Variants in PDLIM2 observed in about 807,000 individuals in gnomAD.
PDLIM2 encodes the protein PDZ and LIM domain 2, also known as PDZ and LIM domain protein 2.
PDLIM2 carries 51 observed loss-of-function variants against 54.1 expected under a neutral mutation model. That is an observed-to-expected ratio of 0.94 (90% CI 0.75 to 1.19). The LOEUF (loss-of-function observed/expected upper bound fraction) is 1.19, where lower values mean the gene tolerates loss of function less well. PDLIM2 is among the 50% of genes most tolerant of loss of function. The pLI is 0.00. For missense variants in PDLIM2, 912 were observed against 874.0 expected (o/e 1.04, Z -0.55); for synonymous variants, 398 against 385.6 (o/e 1.03, Z -0.38).
intron 7 of PDLIM2, 88 bp from the exon 7 acceptor site, chr8:22,589,507 TC>T: frequency 1.1e-6 from 1 of 896,860 alleles, no homozygotes; most frequent in Non-Finnish European, 1.6e-6. Flanking sequence ...TTCCTCCCCC[TC>T]CCCCACGCTC....
chr8:22,593,502 G>C (rs1225573325), intron 9 of PDLIM2: 1 of 509,168 alleles, frequency 2.0e-6, no homozygotes, highest in Non-Finnish European at 3.4e-6. Flanking sequence ...GCTTGAACCC[G>C]GAAGGTAGAG....
At chr8:22,579,352 G>T (rs1250991615) in exon 1 of PDLIM2, 9 of 1,467,726 alleles carry the variant, frequency 6.1e-6, no homozygotes, top group Non-Finnish European at 9.0e-7. Context: ...TCGCATCAGC[G>T]GGGGCGCCCC....
chr8:22,579,127 C>T (rs1800113833), exon 1 of PDLIM2: 4 of 1,303,394 alleles, frequency 3.1e-6, no homozygotes, highest in Non-Finnish European at 2.9e-6. Flanking sequence ...GCGGGCTCTC[C>T]CCAGAGTCGG....
intron 9 of PDLIM2, 54 bp downstream of exon 8, chr8:22,591,722 G>T: frequency 2.7e-6 from 4 of 1,500,628 alleles, no homozygotes; most frequent in Non-Finnish European, 3.6e-6. Context: ...GTGGGGAGGG[G>T]GACAGGGCAC....
intron 6 of PDLIM2, among the ~76,000 whole-genome samples, chr8:22,586,248 C>T (rs558350541): frequency 2.0e-5 from 3 of 152,324 alleles, no homozygotes; most frequent in Non-Finnish European, 2.9e-5. Context: ...GGGGGCCTTC[C>T]GAACAGCGGC....
Position 22,589,591 on chromosome 8 carries a change from T to C in PDLIM2, c.1368-5T>C. ...CCTCATTCCTGGCTGCCTCCCACCC[T>C]GCAGCATGGACTCGGAAGGGGGAAG... On this transcript the variant is annotated splice_region_variant and splice_polypyrimidine_tract_variant and intron_variant, in intron 7 of 9. Transcript: ENST00000308354. 3 of 1,582,256 alleles carry C rather than the reference T, an allele frequency of 1.9e-6. No individual in the cohort carries two copies. The highest frequency in any genetic ancestry group is 1.7e-6 in the Non-Finnish European group (2 of 1,162,468).
chr8:22,579,496 C>G (rs1310706862), exon 1 of PDLIM2: 2 of 1,510,482 alleles, frequency 1.3e-6, no homozygotes. Flanking sequence ...CCCGCGGCGC[C>G]CGCAGCGCGG....
chr8:22,594,543 C>T (rs771652851), downstream of PDLIM2: 1 of 1,614,016 alleles, frequency 6.2e-7, no homozygotes. Context: ...GACGCTTGTG[C>T]TATGGAGGGA....
At position 22,585,435 on chromosome 8, in the gene PDLIM2, A is replaced by G. The variant is rs749108194; in HGVS notation, c.1290+36A>G. 15 of 1,567,990 alleles carry G rather than the reference A, an allele frequency of 9.6e-6. No homozygotes were observed. In the Admixed American group the frequency reaches 2.5e-4, roughly 26 times the overall value. ...CTGGGGGAGGACAGGCTGGAGGAAC[A>G]GAAGCACCTCCCGTTCCTGTGGGTT... On this transcript the variant is annotated intron_variant, in intron 6 of 9. Coordinates refer to ENST00000308354, the Ensembl canonical transcript of PDLIM2.
chr8:22,585,403 AG>A lies in PDLIM2; in HGVS notation c.1290+6del. 1.2e-6 allele frequency: 2 copies of A among 1,606,268 alleles called. No homozygotes were observed. The highest frequency in any genetic ancestry group is 2.2e-5 in the South Asian group (2 of 90,040). ...AGGCCGCCCTGGAAGCCGACAGGTG[AG>A]GCTCCCTGGGGGAGGACAGGCTGGA... is the stretch of plus-strand genomic sequence containing the variant. On this transcript the variant is annotated splice_donor_5th_base_variant and intron_variant, in intron 6 of 9. Coordinates refer to ENST00000308354, the Ensembl canonical transcript of PDLIM2.
intron 6 of PDLIM2, among the ~76,000 whole-genome samples, chr8:22,586,489 G>T (rs1800385386): frequency 6.6e-6 from 1 of 152,186 alleles, no homozygotes; most frequent in South Asian, 2.1e-4. Context: ...AGTATTGCTG[G>T]ACGTTAGAGG....
chr8:22,579,354 G>T (rs1221180314), exon 1 of PDLIM2: 1 of 1,469,990 alleles, frequency 6.8e-7, no homozygotes, highest in Non-Finnish European at 8.9e-7. Context: ...GCATCAGCGG[G>T]GGCGCCCCCG....
intron 6 of PDLIM2, 159 bp downstream of exon 5, chr8:22,585,558 C>A: frequency 1.4e-6 from 1 of 727,246 alleles, no homozygotes; most frequent in Non-Finnish European, 2.2e-6. Context: ...CCAGGGAGGC[C>A]ATGCTTCTGG....
At chr8:22,584,167 T>TG (rs1800298485) in intron 3 of PDLIM2, among the ~76,000 whole-genome samples, 2 of 145,982 alleles carry the variant, frequency 1.4e-5, no homozygotes, top group Non-Finnish European at 3.0e-5. Flanking sequence ...ATGGCTTGGC[T>TG]AAATTTTTTT....
At chr8:22,585,151 C>T in exon 5 of PDLIM2, 2 of 1,613,284 alleles carry the variant, frequency 1.2e-6, no homozygotes, top group Non-Finnish European at 1.7e-6. Flanking sequence ...GAGAGGCAGC[C>T]ATCAGCCGCA....
intron 3 of PDLIM2, among the ~76,000 whole-genome samples, chr8:22,582,408 T>C (rs184135445): frequency 1.3e-5 from 2 of 151,906 alleles, no homozygotes; most frequent in Admixed American, 1.3e-4. Context: ...CATCTGGGAA[T>C]GGGGCAGAAA....
chr8:22,580,720 A>G, intron 2 of PDLIM2, 23 bp downstream of exon 1: 1 of 1,611,494 alleles, frequency 6.2e-7, no homozygotes, highest in Non-Finnish European at 8.5e-7. Flanking sequence ...GCTCAAAGAG[A>G]TGAGAAGGTC....
In PDLIM2 at chr8:22,579,105, C is replaced by T. The variant is rs544610011; in HGVS notation, c.326C>T (p.Pro109Leu). ...GGGATCACATGGGCGGAGGCAGGTC[C>T]GGGAGCCCCGGGCGGGCTCTCCCCA... The change falls in exon 1 of 10, where the codon CCG (proline) becomes CTG (leucine). Residue 109 changes from proline to leucine, a missense_variant. Coordinates refer to ENST00000308354, the Ensembl canonical transcript of PDLIM2. 6 of 1,272,762 alleles carry T rather than the reference C, an allele frequency of 4.7e-6. No individual in the cohort carries two copies. In the African/African-American group the frequency reaches 6.2e-5, roughly 13 times the overall value. The allele number at this position is 1,272,762 out of a possible 1,614,324, so 78.8% of individuals were successfully genotyped here.
Position 22,578,875 on chromosome 8 carries a change from G to A in PDLIM2, c.96G>A (p.Arg32=), listed in dbSNP as rs570945393. 370 of 1,236,780 alleles carry A rather than the reference G, an allele frequency of 3.0e-4. 2 individuals are homozygous for A. In the African/African-American group the frequency reaches 4.9e-3, roughly 16 times the overall value. The allele number at this position is 1,236,780 out of a possible 1,614,324, so 76.6% of individuals were successfully genotyped here. Residue 32 remains arginine, a synonymous_variant, in exon 1 of 10, where the codon CGG becomes CGA. Coordinates refer to ENST00000308354, the Ensembl canonical transcript of PDLIM2. ...GGGGCGCGGGGCAGTCCCTGGACCGGCTCTGCTGTGCTCCGGGCAGTCGGG... is the reference window on the plus strand; with the variant it reads ...GGGGCGCGGGGCAGTCCCTGGACCGACTCTGCTGTGCTCCGGGCAGTCGGG...
Sources: allele counts gnomAD v4.1 joint callset (sites outside exome capture counted in the v4.1 genomes callset), GRCh38; gene constraint gnomAD v4.1.1; transcripts MANE v1.5; gene names NCBI Gene and HGNC (gene_info 2026-07-23, HGNC 2026-07-21).